The following ELOVL2 variants were observed in gnomAD, a reference collection of about 807,000 sequenced individuals.
ELOVL2 encodes the protein ELOVL fatty acid elongase 2, also known as very long chain fatty acid elongase 2.
A neutral mutation model predicts 37.7 loss-of-function variants in ELOVL2; 38 were observed. That is an observed-to-expected ratio of 1.01 (90% CI 0.78 to 1.32). The LOEUF (loss-of-function observed/expected upper bound fraction) is 1.32, where lower values mean the gene tolerates loss of function less well. Ranked by LOEUF, ELOVL2 falls within the 40% of genes most tolerant of loss-of-function variation. The pLI, the probability that ELOVL2 is intolerant of heterozygous loss-of-function variation, is 0.00. For missense variants in ELOVL2, 352 were observed against 363.6 expected, an observed-to-expected ratio of 0.97 and a Z score of 0.26; for synonymous variants, 115 against 122.3, an observed-to-expected ratio of 0.94 and a Z score of 0.40.
At chr6:11,028,898 A>G (rs1782876293) in intron 1 of ELOVL2, among the ~76,000 whole-genome samples, 1 of 152,014 alleles carries the variant, frequency 6.6e-6, no homozygotes, top group South Asian at 2.1e-4. Context: ...GCCTGATTTC[A>G]TAGAGCTGGT....
At chr6:11,010,372 G>A (rs1364325341) in intron 2 of ELOVL2, among the ~76,000 whole-genome samples, 1 of 152,164 alleles carries the variant, frequency 6.6e-6, no homozygotes, top group Non-Finnish European at 1.5e-5. Flanking sequence ...GGGCAGAAAT[G>A]TCACATATAA....
At chr6:11,042,893 G>A (rs1783124122) in intron 1 of ELOVL2, among the ~76,000 whole-genome samples, 1 of 152,144 alleles carries the variant, frequency 6.6e-6, no homozygotes, top group African/African-American at 2.4e-5. Flanking sequence ...ACTGCTGTAG[G>A]TACTAGAAAT....
In ELOVL2 at chr6:10,981,304, A is replaced by G. The variant is rs1781931466; in HGVS notation, c.*2477T>C. On this transcript the variant is annotated 3_prime_UTR_variant, in exon 8 of 8. Coordinates refer to ENST00000354666, the MANE Select transcript of ELOVL2 (RefSeq NM_017770.4). ...TTTTTAATAGATTATAGAAATATTA[A>G]TTTTTCAATAGTTTTAGAAAAATCA... is the stretch of plus-strand genomic sequence containing the variant. 6.6e-6 allele frequency: 1 copy of G among 152,600 alleles called. No individual in the cohort carries two copies. Among genetic ancestry groups the G allele is most frequent in the Admixed American group, 6.5e-5 (1 of 15,274 alleles). 9.5% of individuals were successfully genotyped at this position (152,600 alleles called of 1,614,324 possible). A position where few individuals can be genotyped will look rare whatever the true frequency, so the allele number is the denominator to read the frequency against.
At chr6:11,037,539 TAAAA>T (rs35799154) in intron 1 of ELOVL2, among the ~76,000 whole-genome samples, 2 of 138,988 alleles carry the variant, frequency 1.4e-5, no homozygotes, top group Non-Finnish European at 1.6e-5. Flanking sequence ...CTCGTTCTAC[TAAAA>T]AAAAAAAAAA....
chr6:11,010,645 T>C, intron 2 of ELOVL2, 101 bp downstream of exon 2: 2 of 948,248 alleles, frequency 2.1e-6, no homozygotes, highest in Non-Finnish European at 3.3e-6. Flanking sequence ...TTAAGTACCT[T>C]ACTATTTCCA....
intron 1 of ELOVL2, among the ~76,000 whole-genome samples, chr6:11,021,798 T>C (rs890267015): frequency 2.6e-4 from 39 of 152,366 alleles, no homozygotes; most frequent in African/African-American, 8.7e-4. Context: ...CTGTTTCATC[T>C]GCACACGGTG....
At chr6:10,984,822 C>T (rs1386806605) in intron 7 of ELOVL2, among the ~76,000 whole-genome samples, 6 of 151,918 alleles carry the variant, frequency 3.9e-5, no homozygotes, top group African/African-American at 4.8e-5. Flanking sequence ...AGTAAACATA[C>T]GTGTGCATGT....
intron 7 of ELOVL2, among the ~76,000 whole-genome samples, chr6:10,989,474 G>A (rs1296563323): frequency 3.9e-5 from 6 of 152,152 alleles, no homozygotes; most frequent in South Asian, 2.1e-4. Flanking sequence ...CCAACATGGC[G>A]AAACCCCATC....
chr6:11,032,237 A>C (rs749435258), intron 1 of ELOVL2, among the ~76,000 whole-genome samples: 6 of 152,004 alleles, frequency 3.9e-5, no homozygotes, highest in Non-Finnish European at 7.4e-5. Context: ...CTTCAAGGCC[A>C]TAAGTTGTTC....
At chr6:11,029,886 T>A (rs572538627) in intron 1 of ELOVL2, among the ~76,000 whole-genome samples, 2 of 152,154 alleles carry the variant, frequency 1.3e-5, no homozygotes, top group East Asian at 3.9e-4. Context: ...TGCAATTTGT[T>A]TGAGTAAAAA....
At chr6:11,016,311 TTTA>T (rs1782684929) in intron 1 of ELOVL2, among the ~76,000 whole-genome samples, 3 of 152,212 alleles carry the variant, frequency 2.0e-5, no homozygotes, top group Admixed American at 6.5e-5. Flanking sequence ...TATAGAACAT[TTTA>T]AAGACACATT....
chr6:10,989,948 G>T, intron 6 of ELOVL2, 111 bp from the exon 7 acceptor site: 1 of 1,296,142 alleles, frequency 7.7e-7, no homozygotes. Flanking sequence ...TTGGAATTAT[G>T]TAGGAACAAA....
intron 1 of ELOVL2, among the ~76,000 whole-genome samples, chr6:11,024,742 A>G (rs1020098618): frequency 1.3e-5 from 2 of 152,248 alleles, no homozygotes; most frequent in African/African-American, 2.4e-5. Context: ...ATCAGCAAAC[A>G]TGAAATTATT....
Position 10,982,445 on chromosome 6 carries a change from C to T in ELOVL2, c.*1336G>A, listed in dbSNP as rs769342902. 2.6e-5 allele frequency: 4 copies of T among 151,936 alleles called. No homozygotes were observed. Among genetic ancestry groups the T allele is most frequent in the African/African-American group, 9.7e-5 (4 of 41,352 alleles). The allele number at this position is 151,936 out of a possible 1,614,324, so 9.4% of individuals were successfully genotyped here. Reference sequence around the variant, plus strand: ...AGGAGAGAAGATGAAGTGACTTCATCGAAGCTAACAAGTTTTATTTTATAG... The same window carrying T: ...AGGAGAGAAGATGAAGTGACTTCATTGAAGCTAACAAGTTTTATTTTATAG... On this transcript the variant is annotated 3_prime_UTR_variant, in exon 8 of 8. Transcript: ENST00000354666.
chr6:10,984,373 A>G (rs1168130996), intron 7 of ELOVL2, among the ~76,000 whole-genome samples: 1 of 151,936 alleles, frequency 6.6e-6, no homozygotes, highest in Non-Finnish European at 1.5e-5. Context: ...TTTTATTATT[A>G]TTATACTTTA....
chr6:10,983,827 G>C lies in ELOVL2; in HGVS notation c.845C>G (p.Ala282Gly). Residue 282 changes from alanine (A) to glycine (G), a missense_variant, in exon 8 of 8, where the codon GCC (alanine) becomes GGC (glycine). Coordinates refer to ENST00000354666, the MANE Select transcript of ELOVL2 (RefSeq NM_017770.4). ...GKEVKNGFSK[A>G]YFTAANGVMN... Reference sequence around the variant, plus strand: ...CACTCCATTTGCTGCAGTGAAGTAGGCTTTGGAAAAACCATTCTTCACTTC... The same window carrying C: ...CACTCCATTTGCTGCAGTGAAGTAGCCTTTGGAAAAACCATTCTTCACTTC... 6.2e-7 allele frequency: 1 copy of C among 1,613,470 alleles called. No homozygotes were observed. Among genetic ancestry groups the C allele is most frequent in the Non-Finnish European group, 8.5e-7 (1 of 1,179,860 alleles).
intron 5 of ELOVL2, among the ~76,000 whole-genome samples, chr6:10,993,861 T>A (rs1260890987): frequency 1.2e-5 from 1 of 84,816 alleles, no homozygotes; most frequent in Non-Finnish European, 2.1e-5. Context: ...CAGCTAATTT[T>A]TTTTTTTTTT....
rs3798708 is a variant in ELOVL2 at position 10,991,837 on chromosome 6, G to C, written c.506-1395C>G. Reference sequence around the variant, plus strand: ...CCATGAGTAGTTGTTGCTTATGTTTGACTCCTGTGGAAATACAGCACCTTC... The same window carrying C: ...CCATGAGTAGTTGTTGCTTATGTTTCACTCCTGTGGAAATACAGCACCTTC... On this transcript the variant is annotated intron_variant, in intron 5 of 7. Coordinates refer to ENST00000354666, the MANE Select transcript of ELOVL2 (RefSeq NM_017770.4). Among the ~76,000 whole-genome samples the C allele has an allele frequency of 4.3e-4, 65 of 152,198 alleles. 1 individual carries two copies. In the East Asian group the frequency reaches 0.011, roughly 27 times the overall value.
At chr6:11,025,750 C>T (rs949557) in intron 1 of ELOVL2, among the ~76,000 whole-genome samples, 32,145 of 152,078 alleles carry the variant, frequency 0.21, 4,584 homozygotes, top group East Asian at 0.63. Flanking sequence ...TAAAATAAAA[C>T]GTACAGTAGT....
Sources: allele counts gnomAD v4.1 joint callset (sites outside exome capture counted in the v4.1 genomes callset), GRCh38; gene constraint gnomAD v4.1.1; transcripts MANE v1.5; gene names NCBI Gene and HGNC (gene_info 2026-07-23, HGNC 2026-07-21).